KIRREL3: variants seen among roughly 807,000 people sequenced by gnomAD.
KIRREL3 encodes the protein kin of IRRE-like protein 3.
In KIRREL3, 36 loss-of-function variants were observed where a neutral mutation model predicts 89.7. That is an observed-to-expected ratio of 0.40 (90% CI 0.31 to 0.53). The LOEUF (loss-of-function observed/expected upper bound fraction) is 0.53, where lower values mean the gene tolerates loss of function less well. Among genes scored for constraint, KIRREL3 ranks in the 20% least tolerant of loss-of-function variants. The pLI is 0.49. For synonymous variants in KIRREL3, 445 were observed against 441.4 expected (o/e 1.01, Z -0.10); for missense variants, 864 against 1,056.6 (o/e 0.82, Z 2.53).
chr11:126,919,660 A>C (rs1041322740), intron 1 of KIRREL3, among the ~76,000 whole-genome samples: 2 of 152,220 alleles, frequency 1.3e-5, no homozygotes, highest in African/African-American at 4.8e-5. Context: ...GTTGTGCAGA[A>C]GCTCTTGAAC....
chr11:126,847,579 G>A (rs1353215580), intron 1 of KIRREL3, among the ~76,000 whole-genome samples: 1 of 152,126 alleles, frequency 6.6e-6, no homozygotes, highest in Non-Finnish European at 1.5e-5. Flanking sequence ...CTCATGGAGA[G>A]CTGAAATGTT....
At chr11:126,446,928 G>T in intron 8 of KIRREL3, 42 bp from the exon 9 acceptor site, 3 of 1,588,794 alleles carry the variant, frequency 1.9e-6, no homozygotes, top group Non-Finnish European at 2.6e-6. Context: ...GGTGGGTGGG[G>T]AGCTCTGGGA....
intron 1 of KIRREL3, among the ~76,000 whole-genome samples, chr11:126,799,261 C>T (rs1170728229): frequency 5.7e-4 from 8 of 14,044 alleles, no homozygotes; most frequent in African/African-American, 2.0e-3. Flanking sequence ...TATCTGTGTG[C>T]GTGTGCATGT....
chr11:126,606,592 C>T lies in KIRREL3; in HGVS notation c.56-43680G>A, dbSNP rs560755395. Reference sequence around the variant, plus strand: ...ACCACATCCCAGATGACCTTACACACCCCAGGGGTTGATACCAGGCCGAGA... The same window carrying T: ...ACCACATCCCAGATGACCTTACACATCCCAGGGGTTGATACCAGGCCGAGA... On this transcript the variant is annotated intron_variant, in intron 1 of 16. Transcript: ENST00000525144. The surrounding 1 kb of genome is among the most constrained non-coding windows in gnomAD (Gnocchi z 4.6). Among the ~76,000 whole-genome samples the T allele has an allele frequency of 2.0e-5, 3 of 152,154 alleles. No homozygotes were observed. The highest frequency in any genetic ancestry group is 4.4e-5 in the Non-Finnish European group (3 of 68,032).
At chr11:126,500,977 A>G (rs1957840827) in intron 4 of KIRREL3, among the ~76,000 whole-genome samples, 1 of 152,160 alleles carries the variant, frequency 6.6e-6, no homozygotes. Flanking sequence ...TTGCATCTGC[A>G]TGCGGATCCC....
In KIRREL3 at chr11:126,769,437, A is replaced by G. The variant is rs1592101157; in HGVS notation, c.56-206525T>C. ...CAACATGAGACATTATTGGATAGAT[A>G]TTGCCATCAAGAAGAGGGGCCCACT... is the stretch of plus-strand genomic sequence containing the variant. On this transcript the variant is annotated intron_variant, in intron 1 of 16. Transcript: ENST00000525144. This position sits in a 1 kb window ranked among gnomAD's most constrained non-coding sequence, Gnocchi z 4.3. 2.0e-5 allele frequency among the ~76,000 whole-genome samples: 3 copies of G among 152,156 alleles called. No homozygotes were observed. The highest frequency in any genetic ancestry group is 2.0e-4 in the Admixed American group (3 of 15,282).
chr11:126,605,907 G>T lies in KIRREL3; in HGVS notation c.56-42995C>A, dbSNP rs948526078. Among the ~76,000 whole-genome samples the T allele has an allele frequency of 2.0e-5, 3 of 152,202 alleles. No homozygotes were observed. The highest frequency in any genetic ancestry group is 2.1e-4 in the South Asian group (1 of 4,830). ...CAAAGGGCAGAAGGGAACCTTGGAG[G>T]TTCCTCCTGTTCATTCTCTGCCTCA... On this transcript the variant is annotated intron_variant, in intron 1 of 16. Coordinates refer to ENST00000525144, the MANE Select transcript of KIRREL3 (RefSeq NM_032531.4). This position sits in a 1 kb window ranked among gnomAD's most constrained non-coding sequence, Gnocchi z 5.7.
At chr11:126,886,018 C>A (rs1298011440) in intron 1 of KIRREL3, among the ~76,000 whole-genome samples, 1 of 152,164 alleles carries the variant, frequency 6.6e-6, no homozygotes, top group African/African-American at 2.4e-5. Context: ...ATTTTGCATT[C>A]TCATCTGCTC....
At chr11:126,470,034 G>A (rs1394982339) in intron 5 of KIRREL3, among the ~76,000 whole-genome samples, 3 of 152,244 alleles carry the variant, frequency 2.0e-5, no homozygotes, top group Admixed American at 2.0e-4. Context: ...AGCATGGATC[G>A]GGTCCCCCGC....
rs1170673196 is a variant in KIRREL3 at position 126,750,923 on chromosome 11, T to A, written c.56-188011A>T. 6.6e-6 allele frequency among the ~76,000 whole-genome samples: 1 copy of A among 152,212 alleles called. No individual in the cohort carries two copies. Among genetic ancestry groups the A allele is most frequent in the African/African-American group, 2.4e-5 (1 of 41,456 alleles). On this transcript the variant is annotated intron_variant, in intron 1 of 16. Transcript: ENST00000525144. The surrounding 1 kb of genome is among the most constrained non-coding windows in gnomAD (Gnocchi z 4.2). ...ATTTGCAGGGCACCTCTCCCTAAGG[T>A]GCTAAACACATTTATAGATTTTTAT... is the stretch of plus-strand genomic sequence containing the variant.
chr11:126,457,291 G>A (rs1956391470), intron 6 of KIRREL3, among the ~76,000 whole-genome samples: 1 of 151,686 alleles, frequency 6.6e-6, no homozygotes, highest in African/African-American at 2.4e-5. Context: ...ATGTGTATGT[G>A]TGTATGCGTG....
intron 1 of KIRREL3, among the ~76,000 whole-genome samples, chr11:126,838,951 G>T (rs1450422707): frequency 6.6e-6 from 1 of 152,176 alleles, no homozygotes; most frequent in African/African-American, 2.4e-5. Flanking sequence ...TCCCAGGCCT[G>T]TAAACAGTGC....
chr11:126,673,616 G>A (rs1946055380), intron 1 of KIRREL3, among the ~76,000 whole-genome samples: 1 of 152,180 alleles, frequency 6.6e-6, no homozygotes, highest in Admixed American at 6.5e-5. Context: ...AGGGACTGGG[G>A]AATGAAAAAT....
At position 126,571,410 on chromosome 11, in the gene KIRREL3, G is replaced by A. The variant is rs1215934325; in HGVS notation, c.56-8498C>T. Among the ~76,000 whole-genome samples the A allele has an allele frequency of 6.6e-6, 1 of 152,154 alleles. No individual in the cohort carries two copies. Among genetic ancestry groups the A allele is most frequent in the Non-Finnish European group, 1.5e-5 (1 of 68,038 alleles). On this transcript the variant is annotated intron_variant, in intron 1 of 16. Coordinates refer to ENST00000525144, the MANE Select transcript of KIRREL3 (RefSeq NM_032531.4). This position sits in a 1 kb window ranked among gnomAD's most constrained non-coding sequence, Gnocchi z 7.7. ...TGGGACACTGGTTACTATCTTTGGG[G>A]GCTGGGTGCAGCCCAGCCTTGCCCC...
rs1488800113 is a variant in KIRREL3 at position 126,677,024 on chromosome 11, G to T, written c.56-114112C>A. Among the ~76,000 whole-genome samples, 1 of 151,688 alleles carries T rather than the reference G, an allele frequency of 6.6e-6. No homozygotes were observed. Among genetic ancestry groups the T allele is most frequent in the African/African-American group, 2.4e-5 (1 of 41,260 alleles). ...GCTGATCTTGAACTCCTGGGCTCAAGTGATCCTCCCGCCTTGGCCTCTCAA... is the reference window on the plus strand; with the variant it reads ...GCTGATCTTGAACTCCTGGGCTCAATTGATCCTCCCGCCTTGGCCTCTCAA... On this transcript the variant is annotated intron_variant, in intron 1 of 16. Coordinates refer to ENST00000525144, the MANE Select transcript of KIRREL3 (RefSeq NM_032531.4). This position sits in a 1 kb window ranked among gnomAD's most constrained non-coding sequence, Gnocchi z 5.1.
chr11:126,458,719 G>A, intron 6 of KIRREL3, among the ~76,000 whole-genome samples: 1 of 152,208 alleles, frequency 6.6e-6, no homozygotes, highest in East Asian at 1.9e-4. Flanking sequence ...TGCTCCTGGT[G>A]CGGTCAGCCT....
intron 1 of KIRREL3, among the ~76,000 whole-genome samples, chr11:126,832,718 G>A (rs1167479129): frequency 1.3e-5 from 2 of 152,148 alleles, no homozygotes; most frequent in Admixed American, 1.3e-4. Context: ...TTTCATGAGC[G>A]GACATAGATT....
intron 1 of KIRREL3, among the ~76,000 whole-genome samples, chr11:126,648,654 C>G (rs1252699819): frequency 6.6e-6 from 1 of 152,144 alleles, no homozygotes; most frequent in Non-Finnish European, 1.5e-5. Flanking sequence ...GTATCAATGC[C>G]TAGTGCACAG....
rs1946178304 is a variant in KIRREL3, at chr11:126,896,855, CCATTCA to C, written c.55+103594_55+103599del. Among the ~76,000 whole-genome samples, 8 of 152,124 alleles carry C rather than the reference CCATTCA, an allele frequency of 5.3e-5. No homozygotes were observed. In the South Asian group the frequency reaches 1.7e-3, roughly 32 times the overall value. ...TCTTTCATAGCTTCCATTCTTACCC[CCATTCA>C]CATATCATCATGTGCTTCACACGCA... On this transcript the variant is annotated intron_variant, in intron 1 of 16. Transcript: ENST00000525144. This position sits in a 1 kb window ranked among gnomAD's most constrained non-coding sequence, Gnocchi z 4.1.
Sources: allele counts gnomAD v4.1 joint callset (sites outside exome capture counted in the v4.1 genomes callset), GRCh38; gene constraint gnomAD v4.1.1; non-coding constraint Gnocchi (gnomAD v3.1); transcripts MANE v1.5; gene names NCBI Gene and HGNC (gene_info 2026-07-23, HGNC 2026-07-21).